PCNX1: variants seen among roughly 807,000 people sequenced by gnomAD.
PCNX1 encodes pecanex-like protein 1.
In PCNX1, 78 loss-of-function variants were observed where a neutral mutation model predicts 242.2. That is an observed-to-expected ratio of 0.32 (90% CI 0.27 to 0.39). PCNX1 has a LOEUF of 0.39. PCNX1 is among the 10% of genes least tolerant of loss of function. PCNX1 has a pLI of 1.00. For missense variants in PCNX1, 2,581 were observed against 2,856.5 expected (o/e 0.90, Z 2.20); for synonymous variants, 1,024 against 1,032.9 (o/e 0.99, Z 0.17).
chr14:71,025,277 T>C (rs150685627), intron 13 of PCNX1, among the ~76,000 whole-genome samples: 65 of 152,320 alleles, frequency 4.3e-4, no homozygotes, highest in African/African-American at 1.0e-3. Context: ...GATTTAGCCA[T>C]TGGGAGTCCA....
intron 33 of PCNX1, among the ~76,000 whole-genome samples, chr14:71,106,243 C>T (rs181271156): frequency 8.2e-4 from 125 of 152,026 alleles, no homozygotes; most frequent in African/African-American, 2.9e-3. Flanking sequence ...TGGTCTCGAT[C>T]TCCTGACCTT....
At chr14:71,085,741 GT>G in intron 28 of PCNX1, 2 of 299,298 alleles carry the variant, frequency 6.7e-6, no homozygotes, top group Non-Finnish European at 6.7e-6. Flanking sequence ...AATAAAGGTG[GT>G]TTTAGCTTTA....
intron 33 of PCNX1, among the ~76,000 whole-genome samples, chr14:71,108,089 C>A (rs4902878): frequency 0.14 from 21,672 of 152,116 alleles, 2,161 homozygotes; most frequent in African/African-American, 0.28. Flanking sequence ...TACCCTTTGA[C>A]CAACACCTCC....
At chr14:70,956,326 TGA>T (rs1218367781) in intron 2 of PCNX1, among the ~76,000 whole-genome samples, 4 of 152,076 alleles carry the variant, frequency 2.6e-5, no homozygotes, top group Admixed American at 2.0e-4. Context: ...GAGGATCCCT[TGA>T]GGCCAGGGTT....
chr14:70,909,581 C>T (rs2055731909), intron 1 of PCNX1, among the ~76,000 whole-genome samples: 1 of 152,106 alleles, frequency 6.6e-6, no homozygotes, highest in Admixed American at 6.5e-5. Flanking sequence ...TTGCTGGGTC[C>T]AGTGTAAGAT....
intron 1 of PCNX1, among the ~76,000 whole-genome samples, chr14:70,925,560 TACCTC>T (rs1481564456): frequency 1.3e-5 from 2 of 150,316 alleles, no homozygotes; most frequent in Non-Finnish European, 3.0e-5. Flanking sequence ...AAATCTCACT[TACCTC>T]ATCTTTTTTT....
intron 2 of PCNX1, among the ~76,000 whole-genome samples, chr14:70,948,681 GTATA>G (rs2057568948): frequency 6.8e-6 from 1 of 147,050 alleles, no homozygotes; most frequent in East Asian, 2.0e-4. Flanking sequence ...ATATAGATGT[GTATA>G]TATACACGTG....
chr14:71,008,501 G>A (rs1270677264), intron 8 of PCNX1, among the ~76,000 whole-genome samples: 7 of 151,260 alleles, frequency 4.6e-5, no homozygotes, highest in East Asian at 1.9e-4. Flanking sequence ...CTAAAAATAC[G>A]AAAAATTAGC....
At chr14:71,109,180 G>C (rs796801278) in intron 34 of PCNX1, 134 bp downstream of exon 34, 6 of 930,566 alleles carry the variant, frequency 6.4e-6, no homozygotes, top group Non-Finnish European at 7.9e-6. Context: ...TGAATGTTGG[G>C]GAAAAATTTC....
intron 5 of PCNX1, among the ~76,000 whole-genome samples, chr14:70,971,970 A>G (rs1002326186): frequency 1.3e-5 from 2 of 152,174 alleles, no homozygotes; most frequent in Non-Finnish European, 2.9e-5. Context: ...ATTTCATTTC[A>G]GTGGAATCAC....
At chr14:70,959,086 T>C (rs1370436907) in intron 2 of PCNX1, among the ~76,000 whole-genome samples, 2 of 151,096 alleles carry the variant, frequency 1.3e-5, no homozygotes, top group African/African-American at 4.9e-5. Flanking sequence ...GTAGAATTAG[T>C]AAAAAACTCT....
chr14:70,967,365 G>T (rs2058411466), intron 3 of PCNX1, among the ~76,000 whole-genome samples: 1 of 152,170 alleles, frequency 6.6e-6, no homozygotes, highest in Admixed American at 6.5e-5. Context: ...TTGCTTGACT[G>T]TTTTCTTCTT....
At chr14:71,014,697 C>G (rs2059913780) in intron 11 of PCNX1, among the ~76,000 whole-genome samples, 1 of 152,064 alleles carries the variant, frequency 6.6e-6, no homozygotes. Flanking sequence ...CAGAAGAGTC[C>G]ACTGTCCCCA....
chr14:71,063,817 A>G (rs2061381978), intron 26 of PCNX1, among the ~76,000 whole-genome samples: 1 of 152,096 alleles, frequency 6.6e-6, no homozygotes, highest in South Asian at 2.1e-4. Flanking sequence ...TCTTAGTTAA[A>G]CCCATTCATA....
chr14:70,912,106 G>T (rs1372091464), intron 1 of PCNX1, among the ~76,000 whole-genome samples: 1 of 152,028 alleles, frequency 6.6e-6, no homozygotes, highest in Admixed American at 6.5e-5. Context: ...ATGGTGGCGG[G>T]CGCCTGTAGT....
chr14:70,953,087 G>A (rs372482635), intron 2 of PCNX1, among the ~76,000 whole-genome samples: 2 of 152,174 alleles, frequency 1.3e-5, no homozygotes, highest in East Asian at 3.9e-4. Flanking sequence ...GGGCAACATA[G>A]TGAGACCTTG....
chr14:71,075,667 C>T (rs560063673), intron 27 of PCNX1, among the ~76,000 whole-genome samples: 170 of 152,174 alleles, frequency 1.1e-3, no homozygotes, highest in African/African-American at 3.9e-3. Flanking sequence ...GAGGCCGAGG[C>T]GGATGGACCA....
intron 1 of PCNX1, among the ~76,000 whole-genome samples, chr14:70,918,559 G>C (rs954616825): frequency 2.0e-5 from 3 of 152,188 alleles, no homozygotes; most frequent in Non-Finnish European, 2.9e-5. Context: ...GTGACACACA[G>C]ACAAAGTGAG....
intron 1 of PCNX1, among the ~76,000 whole-genome samples, chr14:70,945,862 G>C (rs980268860): frequency 2.0e-5 from 3 of 152,144 alleles, no homozygotes; most frequent in African/African-American, 7.2e-5. Context: ...CCAATTTGGG[G>C]TCATGTTCTC....
Sources: gnomAD v4.1 joint callset for allele counts (sites outside exome capture counted in the v4.1 genomes callset) on GRCh38, gnomAD v4.1.1 for gene constraint, MANE v1.5 for transcripts, NCBI Gene and HGNC (gene_info 2026-07-23, HGNC 2026-07-21) for gene names.